The following RBFOX1 variants were observed in gnomAD, a reference collection of about 807,000 sequenced individuals.
The protein encoded by RBFOX1 is RNA binding fox-1 homolog 1, also known as RNA binding protein fox-1 homolog 1.
RBFOX1 carries 8 observed loss-of-function variants against 57.7 expected under a neutral mutation model. That is an observed-to-expected ratio of 0.14 (90% confidence interval 0.08 to 0.25). The LOEUF (loss-of-function observed/expected upper bound fraction) is 0.25, where lower values mean the gene tolerates loss of function less well. Ranked by LOEUF, RBFOX1 falls within the 10% of genes least tolerant of loss-of-function variation. RBFOX1 has a pLI of 1.00. For missense variants in RBFOX1, 611 were observed against 548.5 expected (o/e 1.11, Z -1.14); for synonymous variants, 326 against 222.4 (o/e 1.47, Z -4.15).
At chr16:6,008,904 G>C (rs1004359026) in intron 4 of RBFOX1, among the ~76,000 whole-genome samples, 1 of 152,130 alleles carries the variant, frequency 6.6e-6, no homozygotes, top group Admixed American at 6.6e-5. Flanking sequence ...ACACAGAGAC[G>C]AATCAAAGCA....
At chr16:7,667,807 G>A (rs1317348605) in intron 13 of RBFOX1, among the ~76,000 whole-genome samples, 1 of 152,040 alleles carries the variant, frequency 6.6e-6, no homozygotes. Flanking sequence ...CTGAGTAGCT[G>A]GGATTACAGG....
chr16:7,222,278 A>G (rs745539099), intron 4 of RBFOX1, among the ~76,000 whole-genome samples: 16 of 152,208 alleles, frequency 1.1e-4, no homozygotes, highest in Non-Finnish European at 1.6e-4. Context: ...TCAGAAGCGT[A>G]AGATATAATA....
At chr16:7,046,223 G>C (rs1322710886) in intron 3 of RBFOX1, among the ~76,000 whole-genome samples, 1 of 148,052 alleles carries the variant, frequency 6.8e-6, no homozygotes, top group Admixed American at 6.7e-5. Context: ...TAAAGTGTGA[G>C]GTTTAGGTAA....
chr16:6,597,135 A>G (rs542288163), intron 2 of RBFOX1, among the ~76,000 whole-genome samples: 1 of 152,310 alleles, frequency 6.6e-6, no homozygotes, highest in East Asian at 1.9e-4. Context: ...AGGAGTTGAC[A>G]TCTACTGTAT....
At chr16:5,693,932 C>A (rs1236847459) in intron 3 of RBFOX1, among the ~76,000 whole-genome samples, 1 of 152,214 alleles carries the variant, frequency 6.6e-6, no homozygotes, top group Non-Finnish European at 1.5e-5. Context: ...TCACAGGTGG[C>A]AATGGCCTTG....
At chr16:6,131,685 A>T (rs2096630735) in intron 1 of RBFOX1, among the ~76,000 whole-genome samples, 1 of 152,216 alleles carries the variant, frequency 6.6e-6, no homozygotes, top group African/African-American at 2.4e-5. Context: ...TTTACTGACT[A>T]ATCTCATTGA....
chr16:6,528,181 TC>T (rs1484520734), intron 2 of RBFOX1, among the ~76,000 whole-genome samples: 2 of 151,996 alleles, frequency 1.3e-5, no homozygotes, highest in Admixed American at 1.3e-4. Flanking sequence ...ACTTTTATCC[TC>T]CCCCCATAAA....
In RBFOX1 at chr16:6,339,655, TTTTA is replaced by T. The variant is rs1362477158; in HGVS notation, c.-64+22602_-64+22605del. 1.5e-3 allele frequency among the ~76,000 whole-genome samples: 40 copies of T among 26,310 alleles called. No individual in the cohort carries two copies. In the African/African-American group the frequency reaches 0.044, roughly 29 times the overall value. 17.3% of individuals were successfully genotyped at this position (26,310 alleles called of 152,430 possible). A position where few individuals can be genotyped will look rare whatever the true frequency, so the allele number is the denominator to read the frequency against. Reference sequence around the variant, plus strand: ...TCTTAAGCGATTCCTTTATTTTTTATTTTATTTTATTTTATTTTATTTTATTTTA... The same window carrying T: ...TCTTAAGCGATTCCTTTATTTTTTATTTTTATTTTATTTTATTTTATTTTA... On this transcript the variant is annotated intron_variant, in intron 2 of 15. Transcript: ENST00000550418.
At chr16:7,064,608 G>A (rs7185545) in intron 4 of RBFOX1, among the ~76,000 whole-genome samples, 11 of 151,918 alleles carry the variant, frequency 7.2e-5, no homozygotes, top group Non-Finnish European at 1.2e-4. Flanking sequence ...CACCTGAGTC[G>A]CAGACTTCTG....
chr16:5,779,174 T>C (rs1019058095), intron 3 of RBFOX1, among the ~76,000 whole-genome samples: 11 of 152,188 alleles, frequency 7.2e-5, no homozygotes, highest in African/African-American at 1.7e-4. Flanking sequence ...GCGAAATGAC[T>C]GTTAGGTCAG....
At chr16:6,728,252 T>G (rs929687670) in intron 3 of RBFOX1, among the ~76,000 whole-genome samples, 1 of 152,210 alleles carries the variant, frequency 6.6e-6, no homozygotes, top group Non-Finnish European at 1.5e-5. Context: ...ATTGTGGTAT[T>G]TATGCCTTTA....
rs1291222358 is a variant in RBFOX1 at position 5,493,592 on chromosome 16, C to T, written c.258+26338C>T. 2.6e-5 allele frequency among the ~76,000 whole-genome samples: 4 copies of T among 152,244 alleles called. No homozygotes were observed. In the East Asian group the frequency reaches 5.8e-4, roughly 22 times the overall value. On this transcript the variant is annotated intron_variant, in intron 2 of 2. Coordinates refer to the RBFOX1 transcript ENST00000585867. ...GATGGGACAGAATATTTTCCATACA[C>T]ACCTATCATGGGCAAATGTAATAAG...
chr16:7,275,793 A>C (rs1035533180), intron 4 of RBFOX1, among the ~76,000 whole-genome samples: 1 of 152,222 alleles, frequency 6.6e-6, no homozygotes, highest in Non-Finnish European at 1.5e-5. Flanking sequence ...ATCATCTTGA[A>C]GGTATAGCTT....
intron 1 of RBFOX1, among the ~76,000 whole-genome samples, chr16:5,375,328 G>A (rs749461790): frequency 6.6e-6 from 1 of 152,158 alleles, no homozygotes; most frequent in Non-Finnish European, 1.5e-5. Context: ...TCTAGGGAGC[G>A]GGAGTGAAGA....
At chr16:6,639,087 A>G (rs2098466384) in intron 2 of RBFOX1, among the ~76,000 whole-genome samples, 1 of 152,216 alleles carries the variant, frequency 6.6e-6, no homozygotes, top group South Asian at 2.1e-4. Context: ...TCAGAGCAGC[A>G]GCCATTTCTT....
At chr16:5,784,430 CA>C (rs112215879) in intron 3 of RBFOX1, among the ~76,000 whole-genome samples, 7 of 147,490 alleles carry the variant, frequency 4.7e-5, no homozygotes, top group African/African-American at 1.2e-4. Context: ...CCGTCTGAAA[CA>C]AAAAAAAAAG....
intron 3 of RBFOX1, among the ~76,000 whole-genome samples, chr16:6,968,260 G>A (rs2084736668): frequency 6.6e-6 from 1 of 152,212 alleles, no homozygotes; most frequent in South Asian, 2.1e-4. Context: ...AGACCCCCAG[G>A]CAAGCTGTCA....
At chr16:7,040,225 T>C (rs759226723) in intron 3 of RBFOX1, among the ~76,000 whole-genome samples, 5 of 151,866 alleles carry the variant, frequency 3.3e-5, no homozygotes, top group Non-Finnish European at 7.4e-5. Context: ...TTCACCATGT[T>C]GGCCAGGATG....
intron 11 of RBFOX1, among the ~76,000 whole-genome samples, chr16:7,642,852 C>G (rs1336666160): frequency 1.3e-5 from 2 of 152,142 alleles, no homozygotes; most frequent in Admixed American, 1.3e-4. Context: ...TTTGCAAATG[C>G]CTTTTGCAGT....
Sources: gnomAD v4.1 joint callset for allele counts (sites outside exome capture counted in the v4.1 genomes callset) on GRCh38, gnomAD v4.1.1 for gene constraint, MANE v1.5 for transcripts, NCBI Gene and HGNC (gene_info 2026-07-23, HGNC 2026-07-21) for gene names.